Variants in MYH6 observed in about 807,000 individuals in gnomAD.
MYH6 encodes myosin heavy chain 6.
A neutral mutation model predicts 223.2 loss-of-function variants in MYH6; 126 were observed. The observed-to-expected ratio is 0.56, with a 90% CI of 0.49 to 0.65. The LOEUF (loss-of-function observed/expected upper bound fraction) is 0.65, where lower values mean the gene tolerates loss of function less well. MYH6 is among the 30% of genes least tolerant of loss of function. The probability of loss-of-function intolerance (pLI) is 0.00; values close to 1 mark genes in which losing one functional copy is unlikely to be tolerated. For synonymous variants in MYH6, 978 were observed against 1,010.2 expected (o/e 0.97, Z 0.61); for missense variants, 2,040 against 2,536.4 (o/e 0.80, Z 4.20).
chr14:23,401,395 G>A (rs1373380095), intron 12 of MYH6, among the ~76,000 whole-genome samples: 4 of 152,248 alleles, frequency 2.6e-5, no homozygotes. Context: ...TTTCCTTAAA[G>A]AGGAAGAAAT....
At chr14:23,391,342 G>T (rs966567202) in intron 25 of MYH6, among the ~76,000 whole-genome samples, 1 of 152,214 alleles carries the variant, frequency 6.6e-6, no homozygotes, top group Non-Finnish European at 1.5e-5. Flanking sequence ...GGGGATGAAG[G>T]AGGAGCCATA....
rs1186864208 is a variant in MYH6 at position 23,396,244 on chromosome 14, T to C, written c.2429+40A>G. On this transcript the variant is annotated intron_variant, in intron 20 of 38. Coordinates refer to ENST00000405093, the MANE Select transcript of MYH6 (RefSeq NM_002471.4). The stretch of plus-strand genomic sequence containing the variant: ...CTAGTTGACATTGCGGATCTGCCTC[T>C]ACATCTCTAGTGCATGCCTCCCTTT... 5.6e-6 allele frequency: 9 copies of C among 1,613,638 alleles called. No homozygotes were observed. The South Asian group carries it at 8.8e-5, about 16-fold the overall frequency.
rs536673067 is a variant in MYH6 at position 23,386,403 on chromosome 14, A to G, written c.4871T>C (p.Leu1624Pro). The change falls in exon 33 of 39, where the codon CTC becomes CCC. Residue 1624 changes from leucine (L) to proline (P), a missense_variant. Coordinates refer to ENST00000405093, the MANE Select transcript of MYH6 (RefSeq NM_002471.4). ...LRVKKKMEGDLNEMEIQLSHA... is the reference protein window; with the variant it reads ...LRVKKKMEGDPNEMEIQLSHA... ...GCTGAGCTGGATCTCCATCTCATTG[A>G]GGTCTCCTTCCATCTTCTTCTTCAC... The G allele has an allele frequency of 6.2e-7, 1 of 1,614,074 alleles. No homozygotes were observed. The highest frequency in any genetic ancestry group is 8.5e-7 in the Non-Finnish European group (1 of 1,179,976).
chr14:23,390,067 A>G lies in MYH6; in HGVS notation c.3722T>C (p.Ile1241Thr), dbSNP rs1456615368. The G allele has an allele frequency of 1.2e-6, 2 of 1,613,228 alleles. No homozygotes were observed. Among genetic ancestry groups the G allele is most frequent in the Admixed American group, 3.3e-5 (2 of 59,994 alleles). ...DDVTSNMEQI[I>T]KAKANLEKVS... ...CCGAGCAGAGCCTGCCTTGGCCTTGATGATCTGCTCCATGTTGGAGGTGAC... is the reference window on the plus strand; with the variant it reads ...CCGAGCAGAGCCTGCCTTGGCCTTGGTGATCTGCTCCATGTTGGAGGTGAC... Residue 1241 changes from isoleucine (I) to threonine (T), a missense_variant, in exon 26 of 39, where the codon ATC (isoleucine) becomes ACC (threonine). By Grantham distance (89) the Ile-to-Thr change is moderately conservative (BLOSUM62 -1). Around this residue, in one of 4 missense-constraint regions of MYH6, gnomAD observed 1,203 missense variants for 1,400.2 expected, o/e 0.86. Transcript: ENST00000405093.
At chr14:23,393,287 G>A (rs758803736) in intron 23 of MYH6, 55 bp downstream of exon 23, 223 of 1,606,284 alleles carry the variant, frequency 1.4e-4, no homozygotes, top group Non-Finnish European at 1.8e-4. Flanking sequence ...CTGGGCCATT[G>A]GTGTTGCCTG....
intron 8 of MYH6, 59 bp from the exon 9 acceptor site, chr14:23,403,837 C>T (rs1891689886): frequency 4.1e-6 from 6 of 1,450,046 alleles, no homozygotes; most frequent in South Asian, 3.6e-5. Flanking sequence ...GAAATCCTGG[C>T]CCTCTGTTCA....
rs2138592642 is a variant in MYH6 at position 23,390,156 on chromosome 14, G to A, written c.3633C>T (p.Asn1211=). ...SVAELGEQID[N]LQRVKQKLEK... is the part of the protein sequence containing the mutation. ...CCAGCTTCTGCTTCACCCGCTGCAG[G>A]TTGTCGATCTGCTCGCCCAGCTCGG... The change falls in exon 26 of 39, where the codon AAC becomes AAT. Residue 1211 remains asparagine (N), a synonymous_variant. Transcript: ENST00000405093. The A allele has an allele frequency of 1.2e-6, 2 of 1,610,102 alleles. No individual in the cohort carries two copies. The highest frequency in any genetic ancestry group is 2.2e-5 in the South Asian group (2 of 90,938).
Position 23,390,455 on chromosome 14 carries a change from G to C in MYH6, c.3343-9C>G, listed in dbSNP as rs773644199. The C allele has an allele frequency of 6.2e-7, 1 of 1,612,418 alleles. No homozygotes were observed. The highest frequency in any genetic ancestry group is 1.7e-5 in the Admixed American group (1 of 59,968). The stretch of plus-strand genomic sequence containing the variant: ...AGCTCCTCGATGCGTGCCTGGGTCA[G>C]ACACAAAGGGCTCAGACCCACCGCC... On this transcript the variant is annotated splice_polypyrimidine_tract_variant and intron_variant, in intron 25 of 38. Coordinates refer to ENST00000405093, the MANE Select transcript of MYH6 (RefSeq NM_002471.4).
intron 29 of MYH6, 126 bp downstream of exon 29, chr14:23,388,733 C>G: frequency 7.1e-7 from 1 of 1,399,590 alleles, no homozygotes; most frequent in Non-Finnish European, 1.0e-6. Context: ...CCAAGCACTT[C>G]TGTTGCCCTC....
intron 34 of MYH6, 26 bp from the exon 35 acceptor site, chr14:23,385,067 C>G: frequency 6.2e-7 from 1 of 1,613,608 alleles, no homozygotes; most frequent in Non-Finnish European, 8.5e-7. Flanking sequence ...GAAAAATGAT[C>G]AAATATATAC....
Position 23,404,571 on chromosome 14 carries a change from C to G in MYH6, c.642+140G>C, listed in dbSNP as rs992001212. 17 of 1,076,822 alleles carry G rather than the reference C, an allele frequency of 1.6e-5. No homozygotes were observed. In the Admixed American group the frequency reaches 2.1e-4, roughly 14 times the overall value. The allele number at this position is 1,076,822 out of a possible 1,614,324, so 66.7% of individuals were successfully genotyped here. A position where few individuals can be genotyped will look rare whatever the true frequency, so the allele number is the denominator to read the frequency against. On this transcript the variant is annotated intron_variant, in intron 7 of 38. Transcript: ENST00000405093. Reference sequence around the variant, plus strand: ...GGTGAGTGTCTCCTGTCAGGAAGGTCTTCCATACTGGGCTGACCATCGGGA... The same window carrying G: ...GGTGAGTGTCTCCTGTCAGGAAGGTGTTCCATACTGGGCTGACCATCGGGA...
intron 31 of MYH6, 45 bp from the exon 32 acceptor site, chr14:23,387,698 G>GC (rs1566506423): frequency 3.7e-6 from 6 of 1,614,040 alleles, no homozygotes; most frequent in Non-Finnish European, 5.1e-6. Context: ...TGTTCCCCCT[G>GC]CCCCTGCATG....
At chr14:23,387,421 T>A (rs78153491) in intron 32 of MYH6, 108 bp downstream of exon 32, 2 of 1,547,726 alleles carry the variant, frequency 1.3e-6, no homozygotes, top group East Asian at 4.5e-5. Context: ...GAACAAAGAA[T>A]ATGGAATGAA....
intron 37 of MYH6, 59 bp from the exon 38 acceptor site, chr14:23,382,621 C>T (rs1346253515): frequency 6.2e-7 from 1 of 1,613,670 alleles, no homozygotes; most frequent in Non-Finnish European, 8.5e-7. Context: ...GGATTCTCAG[C>T]CTCTCAACCT....
intron 15 of MYH6, 21 bp from the exon 16 acceptor site, chr14:23,397,634 T>C: frequency 6.2e-7 from 1 of 1,613,094 alleles, no homozygotes; most frequent in Non-Finnish European, 8.5e-7. Context: ...AGAGGAGAAA[T>C]AATCAACAGG....
chr14:23,397,525 C>G lies in MYH6; in HGVS notation c.1962+18G>C. ...GGCCATTCCACCAGGTGTCCTGGCACCCCTGGGCCCTTCTTACCCGGTGGA... is the reference window on the plus strand; with the variant it reads ...GGCCATTCCACCAGGTGTCCTGGCAGCCCTGGGCCCTTCTTACCCGGTGGA... On this transcript the variant is annotated intron_variant, in intron 16 of 38. Coordinates refer to ENST00000405093, the MANE Select transcript of MYH6 (RefSeq NM_002471.4). 6.2e-7 allele frequency: 1 copy of G among 1,613,806 alleles called. No individual in the cohort carries two copies. Among genetic ancestry groups the G allele is most frequent in the Non-Finnish European group, 8.5e-7 (1 of 1,179,744 alleles).
At position 23,407,387 on chromosome 14, in the gene MYH6, C is replaced by A. The variant is rs557018431; in HGVS notation, c.-13-151G>T. On this transcript the variant is annotated intron_variant, in intron 2 of 38. Transcript: ENST00000405093. The surrounding 1 kb of genome is among the most constrained non-coding windows in gnomAD (Gnocchi z 5.6). ...GTTGCACCCTCCCCTACTCAGGGCT[C>A]TGCTTCTCCTGCCCTCTGAGGTGAT... Among the ~76,000 whole-genome samples the A allele has an allele frequency of 6.6e-6, 1 of 152,364 alleles. No individual in the cohort carries two copies. The highest frequency in any genetic ancestry group is 2.1e-4 in the South Asian group (1 of 4,828).
At position 23,387,769 on chromosome 14, in the gene MYH6, T is replaced by C. The variant is rs1891078635; in HGVS notation, c.4514A>G (p.Lys1505Arg). 2 of 1,613,944 alleles carry C rather than the reference T, an allele frequency of 1.2e-6. No individual in the cohort carries two copies. The highest frequency in any genetic ancestry group is 3.3e-5 in the Admixed American group (2 of 59,994). The change falls in exon 31 of 39, where the codon AAG becomes AGG. Residue 1505 changes from lysine (K) to arginine (R), a missense_variant. Coordinates refer to ENST00000405093, the MANE Select transcript of MYH6 (RefSeq NM_002471.4). The part of the protein sequence containing the change: ...EHLETFKREN[K>R]NLQEEISDLT... ...GACCCCCAGCACACCCTGAAGGTTC[T>C]TGTTCTCCCGCTTGAAGGTCTCTAG...
chr14:23,396,381 T>A lies in MYH6; in HGVS notation c.2332A>T (p.Met778Leu), dbSNP rs774884059. The change falls in exon 20 of 39, where the codon ATG becomes TTG. Residue 778 changes from methionine to leucine, a missense_variant. Met to Leu is a conservative substitution (Grantham distance 15). Transcript: ENST00000405093. ...ATGCGGCTCAGCCTCTCATCCCGCA[T>A]CTCCTCCAGCAGCCCAAGCAGCCCT... ...KAGLLGLLEE[M>L]RDERLSRIIT... 16 of 1,614,044 alleles carry A rather than the reference T, an allele frequency of 9.9e-6. No homozygotes were observed. Among genetic ancestry groups the A allele is most frequent in the Non-Finnish European group, 1.4e-5 (16 of 1,180,030 alleles).
Sources: allele counts gnomAD v4.1 joint callset (sites outside exome capture counted in the v4.1 genomes callset), GRCh38; gene constraint gnomAD v4.1.1; regional missense constraint gnomAD v4.1.1; non-coding constraint Gnocchi (gnomAD v3.1); transcripts MANE v1.5; gene names NCBI Gene and HGNC (gene_info 2026-07-23, HGNC 2026-07-21).